Variants in NLGN1 observed in about 807,000 individuals in gnomAD.
NLGN1 encodes neuroligin-1.
NLGN1 carries 12 observed loss-of-function variants against 65.5 expected under a neutral mutation model. The observed-to-expected ratio is 0.18, with a 90% CI of 0.12 to 0.30. The LOEUF (loss-of-function observed/expected upper bound fraction) is 0.30. NLGN1 is among the 10% of genes least tolerant of loss of function. The pLI is 1.00. For synonymous variants in NLGN1, 350 were observed against 359.5 expected (o/e 0.97, Z 0.30); for missense variants, 750 against 1,007.1 (o/e 0.74, Z 3.46).
At chr3:174,151,359 C>A (rs1056166701) in intron 4 of NLGN1, among the ~76,000 whole-genome samples, 19 of 152,030 alleles carry the variant, frequency 1.2e-4, no homozygotes, top group African/African-American at 4.6e-4. Context: ...TTTTTACTTT[C>A]TACCTTCATT....
chr3:174,156,687 C>T (rs1452523517), intron 4 of NLGN1, among the ~76,000 whole-genome samples: 1 of 151,644 alleles, frequency 6.6e-6, no homozygotes, highest in Admixed American at 6.6e-5. Context: ...AGGTAAAGTA[C>T]AGTTTGTAGT....
chr3:173,630,223 G>T (rs1438125621), intron 3 of NLGN1, among the ~76,000 whole-genome samples: 1 of 152,116 alleles, frequency 6.6e-6, no homozygotes, highest in African/African-American at 2.4e-5. Flanking sequence ...AAGGTATGAG[G>T]AAGAATTCCA....
At chr3:173,460,746 A>T (rs1291614515) in intron 2 of NLGN1, among the ~76,000 whole-genome samples, 1 of 152,126 alleles carries the variant, frequency 6.6e-6, no homozygotes. Flanking sequence ...AGGAAATTGT[A>T]ATTTGTTTAT....
chr3:173,531,253 A>T (rs1372593994), intron 2 of NLGN1, among the ~76,000 whole-genome samples: 1 of 152,132 alleles, frequency 6.6e-6, no homozygotes, highest in African/African-American at 2.4e-5. Flanking sequence ...TATATAGAGG[A>T]ATAGCACTTG....
At chr3:173,942,830 T>C (rs1321159946) in intron 4 of NLGN1, among the ~76,000 whole-genome samples, 1 of 152,216 alleles carries the variant, frequency 6.6e-6, no homozygotes, top group African/African-American at 2.4e-5. Context: ...ATGTTAATGG[T>C]AAAACTGCAT....
intron 2 of NLGN1, among the ~76,000 whole-genome samples, chr3:173,527,014 G>C (rs1340450681): frequency 2.0e-5 from 3 of 152,180 alleles, no homozygotes; most frequent in Non-Finnish European, 2.9e-5. Flanking sequence ...CACTTAGGTT[G>C]CTTCTAAATC....
intron 2 of NLGN1, among the ~76,000 whole-genome samples, chr3:173,471,341 G>A (rs1302408325): frequency 6.6e-6 from 1 of 152,076 alleles, no homozygotes; most frequent in African/African-American, 2.4e-5. Flanking sequence ...CCTTCTGAGG[G>A]CTATGAGGAA....
At position 173,685,963 on chromosome 3, in the gene NLGN1, G is replaced by T. The variant is rs116759160; in HGVS notation, c.493+80872G>T. On this transcript the variant is annotated intron_variant, in intron 3 of 6. Coordinates refer to ENST00000457714, the Ensembl canonical transcript of NLGN1. ...CGTGGACTATATCAAGCTACAAGAA[G>T]GGTAAAGGGAAGAGGGAGAAGAAAA... Among the ~76,000 whole-genome samples, 1,252 of 152,236 alleles carry T rather than the reference G, an allele frequency of 8.2e-3. 16 individuals carry two copies. The highest frequency in any genetic ancestry group is 0.013 in the Non-Finnish European group (891 of 68,008).
chr3:174,106,233 C>A (rs1713762733), intron 4 of NLGN1, among the ~76,000 whole-genome samples: 1 of 152,052 alleles, frequency 6.6e-6, no homozygotes, highest in Non-Finnish European at 1.5e-5. Context: ...GGTGAGAGGC[C>A]TCTTTAATAT....
chr3:174,232,726 A>T (rs1383192677), intron 4 of NLGN1, among the ~76,000 whole-genome samples: 2 of 152,202 alleles, frequency 1.3e-5, no homozygotes, highest in African/African-American at 4.8e-5. Context: ...ATGGCAAGAC[A>T]GATTAAGAGA....
chr3:173,698,898 C>A (rs374374200), intron 3 of NLGN1, among the ~76,000 whole-genome samples: 1 of 151,950 alleles, frequency 6.6e-6, no homozygotes, highest in South Asian at 2.1e-4. Context: ...CTCTTGTTGC[C>A]GAGGCTGGAG....
intron 2 of NLGN1, among the ~76,000 whole-genome samples, chr3:173,567,117 A>C (rs1416659217): frequency 6.6e-6 from 1 of 152,046 alleles, no homozygotes; most frequent in African/African-American, 2.4e-5. Flanking sequence ...ATTGACTTTA[A>C]CCTTGGTAGT....
intron 4 of NLGN1, among the ~76,000 whole-genome samples, chr3:173,974,228 CAA>C (rs770985861): frequency 6.9e-5 from 8 of 116,686 alleles, no homozygotes; most frequent in South Asian, 2.8e-4. Context: ...TACTTCATTC[CAA>C]AAAAAAAAAA....
chr3:173,820,472 T>TC (rs1461263517), intron 4 of NLGN1, among the ~76,000 whole-genome samples: 1 of 152,102 alleles, frequency 6.6e-6, no homozygotes, highest in Non-Finnish European at 1.5e-5. Flanking sequence ...AATGCAGTAA[T>TC]CCCCCCTTAT....
intron 2 of NLGN1, among the ~76,000 whole-genome samples, chr3:173,502,093 G>T (rs1342296751): frequency 6.6e-6 from 1 of 152,040 alleles, no homozygotes; most frequent in Non-Finnish European, 1.5e-5. Context: ...AAGTCACACT[G>T]TAATATTTTT....
At chr3:173,980,309 C>A (rs1435833676) in intron 4 of NLGN1, among the ~76,000 whole-genome samples, 1 of 151,934 alleles carries the variant, frequency 6.6e-6, no homozygotes, top group East Asian at 1.9e-4. Flanking sequence ...AGTTTCCATT[C>A]ATATTTTCCG....
chr3:173,805,983 TC>T, intron 3 of NLGN1, among the ~76,000 whole-genome samples: 1 of 152,166 alleles, frequency 6.6e-6, no homozygotes, highest in South Asian at 2.1e-4. Flanking sequence ...ATTCAGATTT[TC>T]CTCTTAAATG....
chr3:174,125,884 G>T (rs779784716), intron 4 of NLGN1, among the ~76,000 whole-genome samples: 1 of 152,128 alleles, frequency 6.6e-6, no homozygotes, highest in South Asian at 2.1e-4. Flanking sequence ...ACTACTATGC[G>T]GTTAAGTCAT....
chr3:173,523,033 G>A (rs1045549458), intron 2 of NLGN1, among the ~76,000 whole-genome samples: 1 of 151,500 alleles, frequency 6.6e-6, no homozygotes, highest in Non-Finnish European at 1.5e-5. Context: ...GTTATATTGA[G>A]CATTTTTTAT....
Sources: gnomAD v4.1 joint callset for allele counts (sites outside exome capture counted in the v4.1 genomes callset) on GRCh38, gnomAD v4.1.1 for gene constraint, MANE v1.5 for transcripts, NCBI Gene and HGNC (gene_info 2026-07-23, HGNC 2026-07-21) for gene names.